Variants in LHFPL3 observed in about 807,000 individuals in gnomAD.
LHFPL3 encodes LHFPL tetraspan subfamily member 3.
A neutral mutation model predicts 19.3 loss-of-function variants in LHFPL3; 5 were observed. The ratio of observed to expected loss-of-function variants is 0.26; its 90% CI spans 0.14 to 0.54. The LOEUF is 0.54. LHFPL3 is among the 20% of genes least tolerant of loss of function. LHFPL3 has a pLI of 0.94. For missense variants in LHFPL3, 249 were observed against 307.4 expected, an observed-to-expected ratio of 0.81 and a Z score of 1.42; for synonymous variants, 133 against 126.2, an observed-to-expected ratio of 1.05 and a Z score of -0.36.
At chr7:104,640,449 A>G (rs6946832) in intron 1 of LHFPL3, among the ~76,000 whole-genome samples, 147,377 of 152,292 alleles carry the variant, frequency 0.97, 71,449 homozygotes, top group Non-Finnish European at 1. Context: ...AAGAACATGA[A>G]CTCATTCCTT....
chr7:104,397,646 G>A (rs1372471141), intron 1 of LHFPL3, among the ~76,000 whole-genome samples: 1 of 152,176 alleles, frequency 6.6e-6, no homozygotes, highest in Non-Finnish European at 1.5e-5. Context: ...GACAGAGGGA[G>A]GGACATTTCT....
At chr7:104,563,594 G>T (rs1054051775) in intron 1 of LHFPL3, among the ~76,000 whole-genome samples, 1 of 152,262 alleles carries the variant, frequency 6.6e-6, no homozygotes, top group Non-Finnish European at 1.5e-5. Context: ...GCACTCCCTA[G>T]TGAGAAGAAC....
chr7:104,435,423 T>A (rs1298570971), intron 1 of LHFPL3, among the ~76,000 whole-genome samples: 1 of 151,882 alleles, frequency 6.6e-6, no homozygotes, highest in Non-Finnish European at 1.5e-5. Flanking sequence ...ACATGAGTCA[T>A]CACACCAAGC....
At chr7:104,358,209 G>C (rs1790320989) in intron 1 of LHFPL3, among the ~76,000 whole-genome samples, 1 of 152,228 alleles carries the variant, frequency 6.6e-6, no homozygotes, top group African/African-American at 2.4e-5. Context: ...TAGGAAACAT[G>C]AAAAAGTGTC....
intron 2 of LHFPL3, among the ~76,000 whole-genome samples, chr7:104,862,817 C>G (rs911838227): frequency 1.3e-5 from 2 of 152,192 alleles, no homozygotes; most frequent in African/African-American, 4.8e-5. Flanking sequence ...AAGTAACATT[C>G]ATTCCACGGG....
chr7:104,684,838 A>G (rs568208639), intron 1 of LHFPL3, among the ~76,000 whole-genome samples: 11 of 152,314 alleles, frequency 7.2e-5, no homozygotes, highest in East Asian at 1.9e-4. Context: ...TGCTTAGACA[A>G]TCTTTATTCT....
chr7:104,681,184 T>A (rs1462255194), intron 1 of LHFPL3, among the ~76,000 whole-genome samples: 1 of 144,776 alleles, frequency 6.9e-6, no homozygotes, highest in Non-Finnish European at 1.5e-5. Flanking sequence ...TAGGGAAGGA[T>A]GGGATCTGCC....
chr7:104,764,980 T>C (rs549144105), intron 2 of LHFPL3, among the ~76,000 whole-genome samples: 4 of 152,268 alleles, frequency 2.6e-5, no homozygotes, highest in African/African-American at 9.6e-5. Flanking sequence ...TCTAAGAGGA[T>C]TTTATGTTGG....
At chr7:104,546,693 A>G (rs1452188729) in intron 1 of LHFPL3, among the ~76,000 whole-genome samples, 1 of 152,196 alleles carries the variant, frequency 6.6e-6, no homozygotes, top group Non-Finnish European at 1.5e-5. Flanking sequence ...CACCACTTTC[A>G]ATTAATTCGG....
At chr7:104,766,513 G>A (rs1427561728) in intron 2 of LHFPL3, among the ~76,000 whole-genome samples, 1 of 152,012 alleles carries the variant, frequency 6.6e-6, no homozygotes, top group Admixed American at 6.6e-5. Flanking sequence ...AACTATAATT[G>A]GCCCTCTCAT....
chr7:104,905,258 G>A (rs1348653677), intron 2 of LHFPL3, among the ~76,000 whole-genome samples: 2 of 151,906 alleles, frequency 1.3e-5, no homozygotes, highest in Non-Finnish European at 2.9e-5. Flanking sequence ...ACCCAGCCAA[G>A]AAATATTTTA....
intron 1 of LHFPL3, among the ~76,000 whole-genome samples, chr7:104,487,528 C>A (rs1277676053): frequency 3.3e-5 from 5 of 152,168 alleles, no homozygotes; most frequent in African/African-American, 1.2e-4. Flanking sequence ...ACGTGCACAT[C>A]TTTGGGATGT....
At chr7:104,480,904 A>G (rs1303879393) in intron 1 of LHFPL3, among the ~76,000 whole-genome samples, 3 of 152,222 alleles carry the variant, frequency 2.0e-5, no homozygotes, top group Admixed American at 6.5e-5. Context: ...TATTTAGCGA[A>G]CAGTGAGACT....
chr7:104,455,282 C>T (rs952538467), intron 1 of LHFPL3, among the ~76,000 whole-genome samples: 5 of 152,160 alleles, frequency 3.3e-5, no homozygotes, highest in African/African-American at 7.2e-5. Flanking sequence ...AGGTCTACAA[C>T]GTGCAAATTA....
intron 1 of LHFPL3, among the ~76,000 whole-genome samples, chr7:104,616,298 C>A (rs982611519): frequency 1.3e-5 from 2 of 152,076 alleles, no homozygotes; most frequent in Admixed American, 6.6e-5. Context: ...TCACATAGAC[C>A]AATGGAACAG....
intron 2 of LHFPL3, among the ~76,000 whole-genome samples, chr7:104,877,323 A>G (rs973807998): frequency 5.9e-5 from 9 of 152,198 alleles, no homozygotes; most frequent in African/African-American, 1.7e-4. Flanking sequence ...TTCTTAGACA[A>G]CCCACCAAAT....
At chr7:104,363,309 C>T (rs945162254) in intron 1 of LHFPL3, among the ~76,000 whole-genome samples, 4 of 152,236 alleles carry the variant, frequency 2.6e-5, no homozygotes, top group Non-Finnish European at 5.9e-5. Context: ...ATAATCTTTG[C>T]AACAGCAGTT....
chr7:104,789,118 G>C (rs1789974308), intron 2 of LHFPL3, among the ~76,000 whole-genome samples: 1 of 152,156 alleles, frequency 6.6e-6, no homozygotes, highest in Admixed American at 6.5e-5. Context: ...GAAAACACAG[G>C]GGAACTGAGG....
In LHFPL3 at chr7:104,857,277, T is replaced by C. The variant is rs535748761; in HGVS notation, c.683-48910T>C. Among the ~76,000 whole-genome samples, 523 of 152,110 alleles carry C rather than the reference T, an allele frequency of 3.4e-3. 15 individuals carry two copies. The East Asian group carries it at 0.056, about 16-fold the overall frequency. On this transcript the variant is annotated intron_variant, in intron 2 of 2. Coordinates refer to ENST00000424859, the MANE Select transcript of LHFPL3 (RefSeq NM_199000.3). ...TTCCATAATAAGGCGGGGCAGGAAA[T>C]GATGCTACCAAATGCAAATATAATA...
Sources: allele counts gnomAD v4.1 joint callset (sites outside exome capture counted in the v4.1 genomes callset), GRCh38; gene constraint gnomAD v4.1.1; transcripts MANE v1.5; gene names NCBI Gene and HGNC (gene_info 2026-07-23, HGNC 2026-07-21).